Variants in NRXN3 observed in about 807,000 individuals in gnomAD.
The protein encoded by NRXN3 is neurexin III.
In NRXN3, 32 loss-of-function variants were observed where a neutral mutation model predicts 137.6. That is an observed-to-expected ratio of 0.23 (90% CI 0.18 to 0.31). The LOEUF (loss-of-function observed/expected upper bound fraction) is 0.31, where lower values mean the gene tolerates loss of function less well. Ranked by LOEUF, NRXN3 falls within the 10% of genes least tolerant of loss-of-function variation. The probability of loss-of-function intolerance (pLI) is 1.00; values close to 1 mark genes in which losing one functional copy is unlikely to be tolerated. For missense variants in NRXN3, 1,574 were observed against 2,062.5 expected (o/e 0.76, Z 4.59); for synonymous variants, 798 against 784.5 (o/e 1.02, Z -0.29).
At chr14:78,440,475 G>T (rs1301452713) in intron 4 of NRXN3, among the ~76,000 whole-genome samples, 1 of 151,922 alleles carries the variant, frequency 6.6e-6, no homozygotes, top group Non-Finnish European at 1.5e-5. Flanking sequence ...TTGCAAAGAT[G>T]CTTTGTTGGG....
chr14:79,090,997 A>T (rs1026951699), intron 15 of NRXN3, among the ~76,000 whole-genome samples: 29 of 151,920 alleles, frequency 1.9e-4, no homozygotes, highest in African/African-American at 6.8e-4. Flanking sequence ...ACTCACAAGG[A>T]GGTGTCTGTA....
intron 15 of NRXN3, among the ~76,000 whole-genome samples, chr14:79,208,148 CTG>C (rs2067071928): frequency 6.6e-6 from 1 of 152,150 alleles, no homozygotes; most frequent in African/African-American, 2.4e-5. Context: ...AGTAATTAGA[CTG>C]TGTAGCTCTG....
At chr14:79,472,235 C>T (rs2096519557) in intron 16 of NRXN3, among the ~76,000 whole-genome samples, 1 of 152,122 alleles carries the variant, frequency 6.6e-6, no homozygotes, top group Non-Finnish European at 1.5e-5. Flanking sequence ...GATTGTCTTT[C>T]ATTCTGGCCA....
chr14:79,369,691 T>C (rs1030918450), intron 15 of NRXN3, among the ~76,000 whole-genome samples: 3 of 152,206 alleles, frequency 2.0e-5, no homozygotes, highest in African/African-American at 7.2e-5. Flanking sequence ...TCTTTTTCAA[T>C]TATTTCTGAT....
At chr14:78,295,179 C>A (rs540641985) in intron 3 of NRXN3, among the ~76,000 whole-genome samples, 1 of 152,148 alleles carries the variant, frequency 6.6e-6, no homozygotes, top group Non-Finnish European at 1.5e-5. Context: ...TAATTCTTTT[C>A]TCAAAAAGCA....
In NRXN3 at chr14:79,515,941, C is replaced by T. The variant is rs145825317; in HGVS notation, c.3444+48539C>T. Among the ~76,000 whole-genome samples, 219 of 152,242 alleles carry T rather than the reference C, an allele frequency of 1.4e-3. 2 individuals carry two copies. Among genetic ancestry groups the T allele is most frequent in the African/African-American group, 4.9e-3 (202 of 41,556 alleles). The stretch of plus-strand genomic sequence containing the variant: ...AATCAGGGCCCACAAACTCAAAGCA[C>T]GCATTTGGGCTAAAGGAAGCTTGGC... On this transcript the variant is annotated intron_variant, in intron 16 of 20. Transcript: ENST00000335750.
intron 16 of NRXN3, among the ~76,000 whole-genome samples, chr14:79,565,388 G>T (rs1308076059): frequency 7.9e-6 from 1 of 126,292 alleles, no homozygotes; most frequent in African/African-American, 3.5e-5. Context: ...TATATGTAAT[G>T]CTAACAAAAA....
intron 1 of NRXN3, among the ~76,000 whole-genome samples, chr14:78,226,546 T>G (rs931802425): frequency 1.3e-5 from 2 of 152,158 alleles, no homozygotes; most frequent in Non-Finnish European, 2.9e-5. Context: ...AGCTAAGATA[T>G]AAATAGGTAC....
chr14:79,816,104 G>A (rs1003790836), intron 20 of NRXN3, among the ~76,000 whole-genome samples: 2 of 152,148 alleles, frequency 1.3e-5, no homozygotes, highest in Non-Finnish European at 2.9e-5. Flanking sequence ...CTCATTTTAA[G>A]TTATTGTGAG....
At chr14:78,332,351 T>C (rs192282469) in intron 4 of NRXN3, among the ~76,000 whole-genome samples, 1,528 of 150,986 alleles carry the variant, frequency 0.01, 26 homozygotes, top group African/African-American at 0.035. Flanking sequence ...AGTCTTGCTC[T>C]GTTGCCCAGG....
chr14:78,497,144 C>T (rs1340265320), intron 4 of NRXN3, among the ~76,000 whole-genome samples: 2 of 152,054 alleles, frequency 1.3e-5, no homozygotes, highest in Non-Finnish European at 2.9e-5. Context: ...ACTGTTTCTT[C>T]CAAGCTTCCT....
intron 20 of NRXN3, among the ~76,000 whole-genome samples, chr14:79,856,930 A>G (rs996284046): frequency 2.6e-5 from 4 of 152,220 alleles, no homozygotes; most frequent in Non-Finnish European, 4.4e-5. Context: ...ACTTTAAAGA[A>G]TATAGATAGC....
chr14:79,529,554 A>G (rs2097151573), intron 16 of NRXN3, among the ~76,000 whole-genome samples: 1 of 152,384 alleles, frequency 6.6e-6, no homozygotes, highest in African/African-American at 2.4e-5. Flanking sequence ...TGGCTAAGTC[A>G]TGTACTTAAC....
intron 15 of NRXN3, among the ~76,000 whole-genome samples, chr14:79,421,258 A>G (rs554809084): frequency 1.5e-4 from 23 of 152,278 alleles, no homozygotes; most frequent in African/African-American, 5.1e-4. Flanking sequence ...GCACTAAGAT[A>G]TTTTAATATA....
chr14:78,436,456 A>C lies in NRXN3; in HGVS notation c.757+138596A>C, dbSNP rs112241120. On this transcript the variant is annotated intron_variant, in intron 4 of 20. Coordinates refer to ENST00000335750, the MANE Select transcript of NRXN3 (RefSeq NM_001330195.2). ...ATCAGGAAACTGAGGCACAAGGAGG[A>C]AAATAATCATGCCAAAGAACTATCA... Among the ~76,000 whole-genome samples the C allele has an allele frequency of 8.8e-3, 1,343 of 152,316 alleles. 10 individuals carry two copies. The highest frequency in any genetic ancestry group is 0.024 in the Middle Eastern group (7 of 294).
chr14:79,421,467 C>T (rs895947612), intron 15 of NRXN3, among the ~76,000 whole-genome samples: 1 of 152,044 alleles, frequency 6.6e-6, no homozygotes, highest in African/African-American at 2.4e-5. Flanking sequence ...TATGTAGATA[C>T]CAGATGGCAA....
chr14:79,495,779 T>C (rs2096760219), intron 16 of NRXN3, among the ~76,000 whole-genome samples: 1 of 152,054 alleles, frequency 6.6e-6, no homozygotes, highest in Non-Finnish European at 1.5e-5. Context: ...ATAGTATTTT[T>C]GATAAATAAT....
At chr14:78,878,149 AT>A in intron 10 of NRXN3, among the ~76,000 whole-genome samples, 1 of 152,194 alleles carries the variant, frequency 6.6e-6, no homozygotes, top group East Asian at 1.9e-4. Flanking sequence ...ACTGGGTGAA[AT>A]TTGCTTTGAA....
At chr14:79,851,228 C>G (rs1311440427) in intron 20 of NRXN3, among the ~76,000 whole-genome samples, 1 of 152,122 alleles carries the variant, frequency 6.6e-6, no homozygotes, top group Non-Finnish European at 1.5e-5. Flanking sequence ...GAACTTTATT[C>G]TACAGATGTC....
Sources: allele counts gnomAD v4.1 joint callset (sites outside exome capture counted in the v4.1 genomes callset), GRCh38; gene constraint gnomAD v4.1.1; transcripts MANE v1.5; gene names NCBI Gene and HGNC (gene_info 2026-07-23, HGNC 2026-07-21).